The following RSPO2 variants were observed in gnomAD, a reference collection of about 807,000 sequenced individuals.
RSPO2 encodes the protein R-spondin-2.
Under a neutral mutation model 30.9 loss-of-function variants are expected in RSPO2, and 14 were observed. The ratio of observed to expected loss-of-function variants is 0.45; its 90% CI spans 0.30 to 0.71. The LOEUF (loss-of-function observed/expected upper bound fraction) is 0.71, where lower values mean the gene tolerates loss of function less well. RSPO2 is among the 30% of genes least tolerant of loss of function. The pLI is 0.08. For missense variants in RSPO2, 264 were observed against 301.9 expected, an observed-to-expected ratio of 0.87 and a Z score of 0.93; for synonymous variants, 107 against 96.4, an observed-to-expected ratio of 1.11 and a Z score of -0.64.
intron 5 of RSPO2, among the ~76,000 whole-genome samples, chr8:107,932,635 A>T (rs947561856): frequency 9.9e-5 from 15 of 152,190 alleles, no homozygotes; most frequent in African/African-American, 3.6e-4. Flanking sequence ...CTTAAAAGAA[A>T]AAAGTTTATC....
chr8:108,023,164 T>C (rs1370012056), intron 2 of RSPO2, among the ~76,000 whole-genome samples: 2 of 152,210 alleles, frequency 1.3e-5, no homozygotes, highest in African/African-American at 2.4e-5. Context: ...TAAACTCCTT[T>C]AGCATTCATA....
chr8:107,933,010 G>A (rs180871659), intron 5 of RSPO2, among the ~76,000 whole-genome samples: 1 of 152,218 alleles, frequency 6.6e-6, no homozygotes, highest in East Asian at 1.9e-4. Flanking sequence ...CTTTATGTGG[G>A]TGGCTGAAAG....
intron 2 of RSPO2, among the ~76,000 whole-genome samples, chr8:108,059,467 A>G (rs1362323702): frequency 2.6e-5 from 4 of 151,598 alleles, no homozygotes; most frequent in South Asian, 2.1e-4. Context: ...ATCTAGAACT[A>G]GAAATACCAT....
intron 3 of RSPO2, among the ~76,000 whole-genome samples, chr8:107,985,106 A>G (rs1280310564): frequency 1.3e-5 from 2 of 152,190 alleles, no homozygotes; most frequent in African/African-American, 2.4e-5. Flanking sequence ...ATATGTGTTC[A>G]GCTTCATTTG....
chr8:107,947,295 T>C (rs1813094997), intron 5 of RSPO2, among the ~76,000 whole-genome samples: 1 of 152,194 alleles, frequency 6.6e-6, no homozygotes, highest in Admixed American at 6.5e-5. Flanking sequence ...GGAAACTCAT[T>C]ATAAGGTTAA....
chr8:108,078,936 A>G (rs1813100450), intron 2 of RSPO2, among the ~76,000 whole-genome samples: 1 of 152,240 alleles, frequency 6.6e-6, no homozygotes, highest in Non-Finnish European at 1.5e-5. Flanking sequence ...AAGTCATTAC[A>G]TGCCATGCTC....
chr8:107,929,552 A>G (rs1286098524), intron 5 of RSPO2, among the ~76,000 whole-genome samples: 2 of 152,158 alleles, frequency 1.3e-5, no homozygotes, highest in Admixed American at 6.6e-5. Context: ...GAGAGGGAGG[A>G]CAGAGAACTT....
chr8:107,966,508 G>C (rs1305668918), intron 3 of RSPO2, among the ~76,000 whole-genome samples: 1 of 152,152 alleles, frequency 6.6e-6, no homozygotes, highest in Non-Finnish European at 1.5e-5. Context: ...GAAGACAGTA[G>C]AGGTCAGGAA....
chr8:107,956,350 AAAACTTCAGT>A (rs776226246), intron 5 of RSPO2, among the ~76,000 whole-genome samples: 2 of 152,238 alleles, frequency 1.3e-5, no homozygotes, highest in African/African-American at 2.4e-5. Context: ...AAAACTTGGT[AAAACTTCAGT>A]AAGAATTAAA....
chr8:107,993,772 C>T (rs963808725), intron 2 of RSPO2, among the ~76,000 whole-genome samples: 1 of 152,116 alleles, frequency 6.6e-6, no homozygotes, highest in Admixed American at 6.5e-5. Context: ...CTGGCAAATC[C>T]TTTCTTGCTT....
At chr8:107,916,978 A>G (rs1328323323) in intron 5 of RSPO2, among the ~76,000 whole-genome samples, 3 of 152,202 alleles carry the variant, frequency 2.0e-5, no homozygotes, top group Non-Finnish European at 4.4e-5. Flanking sequence ...AGATGCACTA[A>G]TGCAAAAATG....
Position 107,901,203 on chromosome 8 carries a change from A to G in RSPO2, c.617-13T>C. ...GGTGTTCTCTTCCCTGCAATGAAGGAAAGAAAAGAAGAGATGTCAGAAATG... is the reference window on the plus strand; with the variant it reads ...GGTGTTCTCTTCCCTGCAATGAAGGGAAGAAAAGAAGAGATGTCAGAAATG... On this transcript the variant is annotated splice_polypyrimidine_tract_variant and intron_variant, in intron 5 of 5. Coordinates refer to ENST00000276659, the MANE Select transcript of RSPO2 (RefSeq NM_178565.5). 1 of 1,604,606 alleles carries G rather than the reference A, an allele frequency of 6.2e-7. No homozygotes were observed. The highest frequency in any genetic ancestry group is 8.5e-7 in the Non-Finnish European group (1 of 1,176,232).
intron 5 of RSPO2, among the ~76,000 whole-genome samples, chr8:107,934,077 T>C (rs1211852620): frequency 6.6e-6 from 1 of 152,156 alleles, no homozygotes; most frequent in Non-Finnish European, 1.5e-5. Flanking sequence ...TGAAAACAGA[T>C]CAAGTATTGT....
intron 2 of RSPO2, chr8:107,996,827 T>TA (rs779164164): frequency 1.2e-4 from 46 of 399,124 alleles, no homozygotes; most frequent in Non-Finnish European, 2.1e-4. Flanking sequence ...CTGCATTTTT[T>TA]AAAAAAGGTA....
chr8:108,026,293 A>G (rs906386807), intron 2 of RSPO2, among the ~76,000 whole-genome samples: 1 of 152,196 alleles, frequency 6.6e-6, no homozygotes, highest in African/African-American at 2.4e-5. Flanking sequence ...ATAAAGTATG[A>G]CCACTAAATG....
At chr8:107,960,638 A>T in intron 4 of RSPO2, 36 bp downstream of exon 4, 1 of 1,588,606 alleles carries the variant, frequency 6.3e-7, no homozygotes, top group Admixed American at 1.8e-5. Context: ...CTAAAATAAA[A>T]GTTGCAGATT....
intron 2 of RSPO2, among the ~76,000 whole-genome samples, chr8:108,007,245 T>C (rs914197219): frequency 6.6e-6 from 1 of 152,284 alleles, no homozygotes; most frequent in Non-Finnish European, 1.5e-5. Flanking sequence ...AGTTGTCTTG[T>C]AAAATATTCT....
intron 3 of RSPO2, among the ~76,000 whole-genome samples, chr8:107,975,739 T>C (rs1271000495): frequency 6.6e-6 from 1 of 152,226 alleles, no homozygotes; most frequent in Non-Finnish European, 1.5e-5. Flanking sequence ...AGGTCACATT[T>C]TTTATATAAT....
chr8:108,056,399 G>T (rs1056989114), intron 2 of RSPO2, among the ~76,000 whole-genome samples: 2 of 151,256 alleles, frequency 1.3e-5, no homozygotes, highest in African/African-American at 2.4e-5. Flanking sequence ...CAGGCAGATC[G>T]CTTGAGCTCA....
Sources: allele counts gnomAD v4.1 joint callset (sites outside exome capture counted in the v4.1 genomes callset), GRCh38; gene constraint gnomAD v4.1.1; transcripts MANE v1.5; gene names NCBI Gene and HGNC (gene_info 2026-07-23, HGNC 2026-07-21).